Variants in DDX56 observed in about 807,000 individuals in gnomAD.
DDX56 encodes probable ATP-dependent RNA helicase DDX56.
Under a neutral mutation model 61.5 loss-of-function variants are expected in DDX56, and 45 were observed. That is an observed-to-expected ratio of 0.73 (90% CI 0.58 to 0.94). The LOEUF is 0.94. Among genes scored for constraint, DDX56 ranks in the 40% least tolerant of loss-of-function variants. DDX56 has a pLI of 0.00. For missense variants in DDX56, 708 were observed against 690.7 expected, an observed-to-expected ratio of 1.02 and a Z score of -0.28; for synonymous variants, 273 against 268.3, an observed-to-expected ratio of 1.02 and a Z score of -0.17.
rs756428501 is a variant in DDX56, at chr7:44,568,805, C to T, written c.1383+98G>A. 4.1e-4 allele frequency: 407 copies of T among 1,004,020 alleles called. 1 individual carries two copies. Among genetic ancestry groups the T allele is most frequent in the Admixed American group, 1.3e-3 (67 of 51,932 alleles). 62.2% of individuals were successfully genotyped at this position (1,004,020 alleles called of 1,614,324 possible). On this transcript the variant is annotated intron_variant, in intron 11 of 13. Transcript: ENST00000258772. ...CCCTTCCGTGCCAAAGGCCAGAAAACTGCCCAGTTCTCTGCTTCTCACCAC... is the reference window on the plus strand; with the variant it reads ...CCCTTCCGTGCCAAAGGCCAGAAAATTGCCCAGTTCTCTGCTTCTCACCAC...
At chr7:44,573,498 G>C in intron 2 of DDX56, 85 bp downstream of exon 2, 3 of 1,542,180 alleles carry the variant, frequency 1.9e-6, no homozygotes, top group Non-Finnish European at 2.6e-6. Flanking sequence ...ACAGGGCCAA[G>C]AGAAAACCTC....
rs1291640631 is a variant in DDX56 at position 44,573,896 on chromosome 7, G to A, written c.-1C>T. 4 of 1,612,974 alleles carry A rather than the reference G, an allele frequency of 2.5e-6. No homozygotes were observed. In the South Asian group the frequency reaches 4.4e-5, roughly 18 times the overall value. On this transcript the variant is annotated 5_prime_UTR_variant, in exon 1 of 14. Transcript: ENST00000258772. ...AGCCCAGTGCTTCAGAGTCCTCCAT[G>A]GCGCTGCTCAGTAGCGCAGCACGCA...
intron 1 of DDX56, 28 bp from the exon 2 acceptor site, chr7:44,573,772 G>T: frequency 4.3e-6 from 7 of 1,613,460 alleles, no homozygotes; most frequent in Non-Finnish European, 5.9e-6. Flanking sequence ...CGGTTTAAGC[G>T]GCGTGAAGAG....
In DDX56 at chr7:44,573,849, G is replaced by A; in HGVS notation, c.47C>T (p.Pro16Leu). 1.2e-6 allele frequency: 2 copies of A among 1,613,338 alleles called. No individual in the cohort carries two copies. Among genetic ancestry groups the A allele is most frequent in the Non-Finnish European group, 8.5e-7 (1 of 1,180,006 alleles). ...ALGFEHMGLD[P>L]RLLQAVTDLG... is the part of the protein sequence containing the mutation. The stretch of plus-strand genomic sequence containing the variant: ...CCTCGCGTGTACCTGAAGGAGCCGG[G>A]GATCGAGGCCCATGTGTTCGAAGCC... Residue 16 changes from proline to leucine, a missense_variant, in exon 1 of 14, where the codon CCC (proline) becomes CTC (leucine). Transcript: ENST00000258772.
chr7:44,571,577 C>T lies in DDX56; in HGVS notation c.805G>A (p.Glu269Lys), dbSNP rs1431099069. 2 of 1,614,032 alleles carry T rather than the reference C, an allele frequency of 1.2e-6. No homozygotes were observed. Among genetic ancestry groups the T allele is most frequent in the African/African-American group, 1.3e-5 (1 of 74,934 alleles). The change falls in exon 6 of 14, where the codon GAA becomes AAA. Residue 269 changes from glutamate (E) to lysine (K), a missense_variant. Glu to Lys is a moderately conservative substitution (Grantham distance 56, BLOSUM62 1). Transcript: ENST00000258772. ...GKSLLFVNTL[E>K]RSYRLRLFLE... ...AACAGGCGTAGCCGGTAACTCCGTT[C>T]TAGAGTGTTGACAAAGAGCAGAGAC...
At position 44,569,119 on chromosome 7, in the gene DDX56, C is replaced by T. The variant is rs2289051; in HGVS notation, c.1293+11G>A. ...TCCCCTCTCATTCCCCTCCCCACCA[C>T]AGCAGCTCACCCTGCAGCGATAGCG... is the stretch of plus-strand genomic sequence containing the variant. On this transcript the variant is annotated intron_variant, in intron 10 of 13. Coordinates refer to ENST00000258772, the MANE Select transcript of DDX56 (RefSeq NM_019082.4). 0.058 allele frequency: 93,820 copies of T among 1,613,876 alleles called. 9,235 individuals carry two copies. Among genetic ancestry groups the T allele is most frequent in the East Asian group, 0.46 (20,492 of 44,828 alleles).
intron 11 of DDX56, 73 bp downstream of exon 11, chr7:44,568,830 C>T: frequency 7.7e-7 from 1 of 1,295,434 alleles, no homozygotes; most frequent in South Asian, 1.2e-5. Flanking sequence ...CTTCTCACCA[C>T]TCGGAGCTCA....
At position 44,569,122 on chromosome 7, in the gene DDX56, C is replaced by T; in HGVS notation, c.1293+8G>A. On this transcript the variant is annotated splice_region_variant and intron_variant, in intron 10 of 13. Transcript: ENST00000258772. Reference sequence around the variant, plus strand: ...CCTCTCATTCCCCTCCCCACCACAGCAGCTCACCCTGCAGCGATAGCGGAA... The same window carrying T: ...CCTCTCATTCCCCTCCCCACCACAGTAGCTCACCCTGCAGCGATAGCGGAA... 2 of 1,614,126 alleles carry T rather than the reference C, an allele frequency of 1.2e-6. No individual in the cohort carries two copies. The highest frequency in any genetic ancestry group is 1.7e-6 in the Non-Finnish European group (2 of 1,180,006).
intron 12 of DDX56, among the ~76,000 whole-genome samples, chr7:44,567,168 A>G (rs1802561961): frequency 8.2e-6 from 1 of 122,540 alleles, no homozygotes; most frequent in African/African-American, 3.1e-5. Context: ...TCACTGTCCC[A>G]TGGGAACCCG....
chr7:44,569,685 A>G, intron 9 of DDX56, 124 bp downstream of exon 9: 1 of 849,280 alleles, frequency 1.2e-6, no homozygotes. Context: ...GGGCAGAACA[A>G]GGATGGATGG....
chr7:44,569,262 T>C lies in DDX56; in HGVS notation c.1220-59A>G, dbSNP rs980364334. ...CTGAGGCCTTAGGATAGGGTCTTCA[T>C]TGGAGGCCTCCTGCACCTCCCCCTT... On this transcript the variant is annotated intron_variant, in intron 9 of 13. Transcript: ENST00000258772. The C allele has an allele frequency of 2.8e-5, 42 of 1,516,812 alleles. 3 individuals carry two copies. The highest frequency in any genetic ancestry group is 3.6e-5 in the Non-Finnish European group (40 of 1,100,754). The allele number at this position is 1,516,812 out of a possible 1,614,324, so 94.0% of individuals were successfully genotyped here. A position where few individuals can be genotyped will look rare whatever the true frequency, so the allele number is the denominator to read the frequency against.
rs1802515902 is a variant in DDX56 at position 44,565,868 on chromosome 7, G to A, written c.*134C>T. The A allele has an allele frequency of 2.8e-6, 2 of 718,456 alleles. No homozygotes were observed. Among genetic ancestry groups the A allele is most frequent in the African/African-American group, 3.5e-5 (2 of 56,372 alleles). 44.5% of individuals were successfully genotyped at this position (718,456 alleles called of 1,614,324 possible). Reference sequence around the variant, plus strand: ...GATGCCAGCTTGGAAGTGCCAAGGAGCTAAAGGGCCCAGCACTGCCGGCCC... The same window carrying A: ...GATGCCAGCTTGGAAGTGCCAAGGAACTAAAGGGCCCAGCACTGCCGGCCC... On this transcript the variant is annotated 3_prime_UTR_variant, in exon 14 of 14. Transcript: ENST00000258772.
rs1802696684 is a variant in DDX56, at chr7:44,572,340, C to T, written c.645+7G>A. On this transcript the variant is annotated splice_region_variant and intron_variant, in intron 5 of 13. Coordinates refer to ENST00000258772, the MANE Select transcript of DDX56 (RefSeq NM_019082.4). The stretch of plus-strand genomic sequence containing the variant: ...GCAGCTCCAGACACTTCCATGGTGC[C>T]TCTTACCGGGTTATGTAATATCAGC... 22 of 1,612,402 alleles carry T rather than the reference C, an allele frequency of 1.4e-5. No homozygotes were observed. The highest frequency in any genetic ancestry group is 1.9e-5 in the Non-Finnish European group (22 of 1,178,808).
chr7:44,567,151 C>T (rs1469711834), intron 12 of DDX56, among the ~76,000 whole-genome samples: 1 of 151,632 alleles, frequency 6.6e-6, no homozygotes, highest in Non-Finnish European at 1.5e-5. Flanking sequence ...CTGGGGTCTC[C>T]TCCAGCTCAC....
intron 13 of DDX56, 123 bp downstream of exon 13, chr7:44,566,325 C>T (rs532491942): frequency 2.0e-6 from 2 of 983,772 alleles, no homozygotes; most frequent in Admixed American, 2.0e-5. Context: ...GGTGCCCCCT[C>T]TTCCCCTCCC....
Position 44,572,986 on chromosome 7 carries a change from C to T in DDX56, c.287G>A (p.Arg96Gln), listed in dbSNP as rs1332237414. Residue 96 changes from arginine (R) to glutamine (Q), a missense_variant, in exon 3 of 14, where the codon CGG becomes CAG. Arg to Gln is a conservative substitution (Grantham distance 43). Coordinates refer to ENST00000258772, the MANE Select transcript of DDX56 (RefSeq NM_019082.4). ...LVLVPTKELARQAQSMIQQLA... is the reference protein window; with the variant it reads ...LVLVPTKELAQQAQSMIQQLA... ...CTGCTGAATCATGGACTGTGCTTGC[C>T]GTGCCAGCTCCTTGGTAGGAACAAG... 5.6e-6 allele frequency: 9 copies of T among 1,613,012 alleles called. No individual in the cohort carries two copies. The highest frequency in any genetic ancestry group is 5.1e-6 in the Non-Finnish European group (6 of 1,179,532).
intron 11 of DDX56, among the ~76,000 whole-genome samples, chr7:44,568,444 A>C (rs1585170018): frequency 6.6e-6 from 1 of 152,038 alleles, no homozygotes; most frequent in African/African-American, 2.4e-5. Flanking sequence ...ATCATCTTAC[A>C]GACTGTTCCA....
Position 44,568,160 on chromosome 7 carries a change from C to A in DDX56, c.1447G>T (p.Ala483Ser), listed in dbSNP as rs1222126339. The change falls in exon 12 of 14, where the codon GCA becomes TCA. Residue 483 changes from alanine (A) to serine (S), a missense_variant. Transcript: ENST00000258772. ...TGGCCCAGGTGGGGCTTCACCACTG[C>A]GGGGTGCAAAGGTAGGTCATGCCGC... is the stretch of plus-strand genomic sequence containing the variant. Reference protein sequence around the residue: ...LLRHDLPLHPAVVKPHLGHVP... With the variant: ...LLRHDLPLHPSVVKPHLGHVP... 1 of 1,613,980 alleles carries A rather than the reference C, an allele frequency of 6.2e-7. No homozygotes were observed. Among genetic ancestry groups the A allele is most frequent in the Non-Finnish European group, 8.5e-7 (1 of 1,179,978 alleles).
intron 11 of DDX56, among the ~76,000 whole-genome samples, 192 bp downstream of exon 11, chr7:44,568,711 A>G (rs562446338): frequency 1.8e-4 from 27 of 151,996 alleles, no homozygotes; most frequent in African/African-American, 6.3e-4. Context: ...TGTCCACCAT[A>G]AGGTTGTGCC....
Sources: allele counts gnomAD v4.1 joint callset (sites outside exome capture counted in the v4.1 genomes callset), GRCh38; gene constraint gnomAD v4.1.1; transcripts MANE v1.5; gene names NCBI Gene and HGNC (gene_info 2026-07-23, HGNC 2026-07-21).